Variants in LIG1 observed in about 807,000 individuals in gnomAD.
LIG1 encodes DNA ligase 1, also known as ligase I, DNA, ATP-dependent.
Under a neutral mutation model 115.7 loss-of-function variants are expected in LIG1, and 70 were observed. That is an observed-to-expected ratio of 0.60 (90% CI 0.50 to 0.74). LIG1 has a LOEUF of 0.74. LIG1 is among the 30% of genes least tolerant of loss of function. The pLI, the probability that LIG1 is intolerant of heterozygous loss-of-function variation, is 0.00. For missense variants in LIG1, 1,115 were observed against 1,225.6 expected, an observed-to-expected ratio of 0.91 and a Z score of 1.35; for synonymous variants, 487 against 495.3, an observed-to-expected ratio of 0.98 and a Z score of 0.22.
intron 1 of LIG1, among the ~76,000 whole-genome samples, chr19:48,166,648 G>T (rs1453463216): frequency 6.6e-6 from 1 of 151,976 alleles, no homozygotes; most frequent in East Asian, 1.9e-4. Flanking sequence ...CAGTCACTGG[G>T]GCTTCCACAG....
chr19:48,152,661 C>T (rs1052484068), intron 6 of LIG1, among the ~76,000 whole-genome samples: 4 of 152,138 alleles, frequency 2.6e-5, no homozygotes, highest in Admixed American at 1.3e-4. Context: ...GCGACACCTG[C>T]TGGCCAGTGT....
chr19:48,165,728 A>C, intron 1 of LIG1, 105 bp from the exon 2 acceptor site: 1 of 891,372 alleles, frequency 1.1e-6, no homozygotes, highest in Non-Finnish European at 1.8e-6. Context: ...AAACAGAAAC[A>C]TGAATTTCCC....
Position 48,148,471 on chromosome 19 carries a change from T to A in LIG1, c.776+1292A>T, listed in dbSNP as rs868009923. ...GCCTGGGCAACAGAGTGAGATTCCA[T>A]CTCAAAAAAAAAAAAAAAAAGCAGG... is the stretch of plus-strand genomic sequence containing the variant. On this transcript the variant is annotated intron_variant, in intron 9 of 27. Coordinates refer to ENST00000263274, the MANE Select transcript of LIG1 (RefSeq NM_000234.3). Among the ~76,000 whole-genome samples, 119 of 109,040 alleles carry A rather than the reference T, an allele frequency of 1.1e-3. 1 individual carries two copies. The highest frequency in any genetic ancestry group is 6.5e-3 in the African/African-American group (116 of 17,816). The allele number at this position is 109,040 out of a possible 152,430, so 71.5% of individuals were successfully genotyped here. A position where few individuals can be genotyped will look rare whatever the true frequency, so the allele number is the denominator to read the frequency against.
chr19:48,121,084 C>G lies in LIG1; in HGVS notation c.2385+86G>C, dbSNP rs971469808. The G allele has an allele frequency of 4.4e-6, 7 of 1,607,814 alleles. No individual in the cohort carries two copies. In the African/African-American group the frequency reaches 8.0e-5, roughly 18 times the overall value. ...TTCACAGGGGGATGTGAGCACCCCT[C>G]GGTCTGGGTTGTGCAATAGGAAATA... On this transcript the variant is annotated intron_variant, in intron 24 of 27. Coordinates refer to ENST00000263274, the MANE Select transcript of LIG1 (RefSeq NM_000234.3).
intron 1 of LIG1, chr19:48,169,915 C>CCCCA (rs1555784957): frequency 6.9e-6 from 1 of 144,424 alleles, no homozygotes; most frequent in African/African-American, 2.7e-5. Flanking sequence ...CAGTTTTCCC[C>CCCCA]CCCCCGGCCC....
At chr19:48,158,090 C>G (rs2035961531) in intron 4 of LIG1, among the ~76,000 whole-genome samples, 1 of 152,214 alleles carries the variant, frequency 6.6e-6, no homozygotes, top group Non-Finnish European at 1.5e-5. Flanking sequence ...TCCACCATGA[C>G]TGGAAGCATC....
chr19:48,118,534 C>CTTT lies in LIG1; in HGVS notation c.2439+600_2439+602dup, dbSNP rs143277427. 791 of 97,328 alleles carry CTTT rather than the reference C, an allele frequency of 8.1e-3. 58 individuals are homozygous for CTTT. Among genetic ancestry groups the CTTT allele is most frequent in the African/African-American group, 0.025 (592 of 23,222 alleles). The allele number at this position is 97,328 out of a possible 1,614,324, so 6.0% of individuals were successfully genotyped here. A position where few individuals can be genotyped will look rare whatever the true frequency, so the allele number is the denominator to read the frequency against. Reference sequence around the variant, plus strand: ...AGGAAACCTCTCTTTATAAATGATCCTTTTTTTTTTTTTTTTTTTTTTGAG... The same window carrying CTTT: ...AGGAAACCTCTCTTTATAAATGATCCTTTTTTTTTTTTTTTTTTTTTTTTTGAG... On this transcript the variant is annotated intron_variant, in intron 25 of 27. Coordinates refer to ENST00000263274, the MANE Select transcript of LIG1 (RefSeq NM_000234.3).
chr19:48,165,473 T>C, intron 2 of LIG1, 77 bp downstream of exon 2: 1 of 1,194,938 alleles, frequency 8.4e-7, no homozygotes, highest in Non-Finnish European at 1.3e-6. Context: ...GTTTGTTTGT[T>C]TTTTTAAGTA....
At chr19:48,147,620 G>C (rs1170654095) in intron 9 of LIG1, among the ~76,000 whole-genome samples, 1 of 150,920 alleles carries the variant, frequency 6.6e-6, no homozygotes, top group East Asian at 2.0e-4. Context: ...ACTCCAGCCT[G>C]GGTAACAGAG....
At chr19:48,154,023 C>T in intron 5 of LIG1, 56 bp from the exon 6 acceptor site, 1 of 1,429,112 alleles carries the variant, frequency 7.0e-7, no homozygotes, top group East Asian at 2.3e-5. Context: ...TGCTCCCATC[C>T]CGGAGAGCTC....
At chr19:48,117,529 A>G (rs1450960102) in intron 26 of LIG1, 109 bp downstream of exon 26, 2 of 1,189,982 alleles carry the variant, frequency 1.7e-6, no homozygotes, top group African/African-American at 3.0e-5. Context: ...CATCTTCCTG[A>G]TCCTTACCTG....
At chr19:48,125,238 A>G (rs561059504) in intron 21 of LIG1, among the ~76,000 whole-genome samples, 2 of 152,340 alleles carry the variant, frequency 1.3e-5, no homozygotes, top group East Asian at 3.9e-4. Context: ...TGGGAGACAA[A>G]GGAACCAGCT....
At position 48,139,993 on chromosome 19, in the gene LIG1, G is replaced by A. The variant is rs763944587; in HGVS notation, c.1065C>T (p.Leu355=). 1.2e-6 allele frequency: 2 copies of A among 1,614,166 alleles called. No homozygotes were observed. Among genetic ancestry groups the A allele is most frequent in the Admixed American group, 3.3e-5 (2 of 60,016 alleles). ...TACCTGTGGCCTGGGCCACTGCCTT[G>A]AGAAGGACACCATCACCCACGCCAA... ...LELGVGDGVL[L]KAVAQATGRQ... is the part of the protein sequence containing the mutation. Residue 355 remains leucine, a synonymous_variant, in exon 12 of 28, where the codon CTC becomes CTT. Coordinates refer to ENST00000263274, the MANE Select transcript of LIG1 (RefSeq NM_000234.3).
intron 26 of LIG1, among the ~76,000 whole-genome samples, chr19:48,117,246 G>A (rs7252139): frequency 0.16 from 23,472 of 147,534 alleles, 3,067 homozygotes; most frequent in African/African-American, 0.36. Flanking sequence ...TGCAACCTCC[G>A]CCTCCCAGGT....
chr19:48,159,047 T>C (rs1189572612), intron 4 of LIG1, among the ~76,000 whole-genome samples: 2 of 152,106 alleles, frequency 1.3e-5, no homozygotes, highest in Admixed American at 6.6e-5. Flanking sequence ...CTGTCTCCCA[T>C]TGAGACCCTG....
chr19:48,164,712 C>A (rs1051905671), intron 2 of LIG1, among the ~76,000 whole-genome samples: 16 of 152,224 alleles, frequency 1.1e-4, no homozygotes, highest in Non-Finnish European at 4.4e-5. Flanking sequence ...CTGGATCGAA[C>A]CAAGCCTGAG....
chr19:48,154,202 G>C lies in LIG1; in HGVS notation c.371-235C>G, dbSNP rs906169877. On this transcript the variant is annotated intron_variant, in intron 5 of 27. Transcript: ENST00000263274. The stretch of plus-strand genomic sequence containing the variant: ...TGTGCTTTGCTCTCTCACGACTGCA[G>C]AATAGAAATAATCCCCACGAGTAAA... 5.6e-6 allele frequency: 3 copies of C among 531,472 alleles called. No individual in the cohort carries two copies. The Admixed American group carries it at 8.6e-5, about 15-fold the overall frequency. The allele number at this position is 531,472 out of a possible 1,614,324, so 32.9% of individuals were successfully genotyped here.
chr19:48,139,662 C>T (rs1037099723), intron 12 of LIG1, among the ~76,000 whole-genome samples: 1 of 152,156 alleles, frequency 6.6e-6, no homozygotes, highest in African/African-American at 2.4e-5. Flanking sequence ...TCTCTAAGCC[C>T]CAACCTTCCA....
chr19:48,159,592 G>T (rs1474636149), intron 4 of LIG1, among the ~76,000 whole-genome samples: 1 of 152,252 alleles, frequency 6.6e-6, no homozygotes, highest in East Asian at 1.9e-4. Flanking sequence ...GGACTATCCA[G>T]GTGGGCCTGA....
Sources: gnomAD v4.1 joint callset for allele counts (sites outside exome capture counted in the v4.1 genomes callset) on GRCh38, gnomAD v4.1.1 for gene constraint, MANE v1.5 for transcripts, NCBI Gene and HGNC (gene_info 2026-07-23, HGNC 2026-07-21) for gene names.